The following TAF9 variants were observed in gnomAD, a reference collection of about 807,000 sequenced individuals.
The protein encoded by TAF9 is TATA-box binding protein associated factor 9, also known as transcription initiation factor TFIID subunit 9.
TAF9 carries 10 observed loss-of-function variants against 16.5 expected under a neutral mutation model. The ratio of observed to expected loss-of-function variants is 0.61; its 90% CI spans 0.37 to 1.03. The LOEUF (loss-of-function observed/expected upper bound fraction) is 1.03. Ranked by LOEUF, TAF9 falls within the 50% of genes least tolerant of loss-of-function variation. The probability of loss-of-function intolerance (pLI) is 0.01; values close to 1 mark genes in which losing one functional copy is unlikely to be tolerated. For missense variants in TAF9, 288 were observed against 319.1 expected, an observed-to-expected ratio of 0.90 and a Z score of 0.74; for synonymous variants, 105 against 120.5, an observed-to-expected ratio of 0.87 and a Z score of 0.84.
At chr5:69,368,242 T>G (rs1273536705) in intron 1 of TAF9, among the ~76,000 whole-genome samples, 1 of 152,226 alleles carries the variant, frequency 6.6e-6, no homozygotes, top group African/African-American at 2.4e-5. Context: ...CATTGTTCTT[T>G]ACCTTCCCCT....
Position 69,366,506 on chromosome 5 carries a change from C to T in TAF9, c.-21G>A. The stretch of plus-strand genomic sequence containing the variant: ...CTAACACCAAAGTGTCCCTTACCTT[C>T]TCGAGCTAAATCACCCACATTAATG... On this transcript the variant is annotated 5_prime_UTR_variant, in exon 2 of 3. Transcript: ENST00000217893. 6.2e-7 allele frequency: 1 copy of T among 1,613,106 alleles called. No homozygotes were observed. The highest frequency in any genetic ancestry group is 8.5e-7 in the Non-Finnish European group (1 of 1,179,432).
intron 1 of TAF9, 31 bp from the exon 2 acceptor site, chr5:69,366,626 T>C (rs1762438075): frequency 6.8e-7 from 1 of 1,480,342 alleles, no homozygotes; most frequent in Non-Finnish European, 9.4e-7. Context: ...AAATACTGTT[T>C]GTGAAATACT....
At position 69,369,460 on chromosome 5, in the gene TAF9, G is replaced by C. The variant is rs780634017; in HGVS notation, c.-111+3C>G. The C allele has an allele frequency of 3.1e-6, 5 of 1,610,214 alleles. No individual in the cohort carries two copies. The highest frequency in any genetic ancestry group is 2.7e-5 in the African/African-American group (2 of 74,564). ...CCAGTCCCTCCCGGCCGCGCGCCCTGACCGGTGAGCAGGATGTTCGGAAGC... is the reference window on the plus strand; with the variant it reads ...CCAGTCCCTCCCGGCCGCGCGCCCTCACCGGTGAGCAGGATGTTCGGAAGC... On this transcript the variant is annotated splice_donor_region_variant and intron_variant, in intron 1 of 2. Coordinates refer to ENST00000217893, the MANE Select transcript of TAF9 (RefSeq NM_003187.5).
chr5:69,369,494 C>T lies in TAF9; in HGVS notation c.-142G>A, dbSNP rs750739293. The stretch of plus-strand genomic sequence containing the variant: ...GCAGGATGTTCGGAAGCAACATGGT[C>T]CCCGCCGCGACGGCTTCGGGCGCCT... On this transcript the variant is annotated 5_prime_UTR_variant, in exon 1 of 3. Transcript: ENST00000217893. The T allele has an allele frequency of 4.3e-6, 7 of 1,611,462 alleles. No individual in the cohort carries two copies. Among genetic ancestry groups the T allele is most frequent in the Non-Finnish European group, 5.9e-6 (7 of 1,179,356 alleles).
upstream of TAF9, chr5:69,369,812 G>C: frequency 8.6e-7 from 1 of 1,157,336 alleles, no homozygotes; most frequent in Non-Finnish European, 1.2e-6. Context: ...AGGTCCCCGG[G>C]AGGCCGTACC....
intron 2 of TAF9, among the ~76,000 whole-genome samples, chr5:69,366,085 C>T (rs980850446): frequency 6.6e-5 from 10 of 152,186 alleles, no homozygotes; most frequent in African/African-American, 2.4e-4. Context: ...TCACACTAAT[C>T]TAAGATACCA....
upstream of TAF9, chr5:69,369,777 C>T: frequency 6.9e-7 from 1 of 1,443,596 alleles, no homozygotes; most frequent in South Asian, 1.2e-5. Context: ...GGTCCCCGCC[C>T]TTCGCTTGCG....
chr5:69,369,681 T>C, upstream of TAF9: 1 of 1,554,822 alleles, frequency 6.4e-7, no homozygotes, highest in Non-Finnish European at 8.7e-7. Context: ...CACATTTCCG[T>C]CGCAAAGTTG....
At chr5:69,367,381 G>C (rs1217218495) in intron 1 of TAF9, among the ~76,000 whole-genome samples, 3 of 151,462 alleles carry the variant, frequency 2.0e-5, no homozygotes, top group Admixed American at 6.6e-5. Context: ...GTGGTGGCGC[G>C]TGCCTGTAAT....
chr5:69,369,023 T>C (rs938911086), intron 1 of TAF9: 3 of 188,366 alleles, frequency 1.6e-5, no homozygotes, highest in Admixed American at 1.2e-4. Flanking sequence ...AAAAATAAAA[T>C]ACGGCCCACG....
Position 69,365,664 on chromosome 5 carries a change from T to A in TAF9, c.74A>T (p.Asp25Val). 1.2e-6 allele frequency: 2 copies of A among 1,610,010 alleles called. No individual in the cohort carries two copies. Among genetic ancestry groups the A allele is most frequent in the Non-Finnish European group, 8.5e-7 (1 of 1,177,654 alleles). The change falls in exon 3 of 3, where the codon GAT becomes GTT. Residue 25 changes from aspartate (D) to valine (V), a missense_variant. Asp to Val is a radical substitution (Grantham distance 152). Transcript: ENST00000217893. ...DAQMMAQILK[D>V]MGITEYEPRV... ...TGGCTCATATTCTGTAATCCCCATA[T>A]CCTTCAGGATTTGTGCCATCATCTG...
At chr5:69,366,478 A>T (rs748811045) in intron 2 of TAF9, 25 bp downstream of exon 2, 1 of 1,596,398 alleles carries the variant, frequency 6.3e-7, no homozygotes, top group South Asian at 1.1e-5. Context: ...AAACAAAACA[A>T]ATCTAACACC....
At chr5:69,365,961 C>T (rs540050812) in intron 2 of TAF9, among the ~76,000 whole-genome samples, 6 of 152,018 alleles carry the variant, frequency 3.9e-5, no homozygotes, top group African/African-American at 1.4e-4. Context: ...AAATCATTGT[C>T]GACTATAAAA....
rs879508959 is a variant in TAF9, at chr5:69,364,758, CTTTA to C, written c.*181_*184del. The C allele has an allele frequency of 8.8e-6, 6 of 681,612 alleles. No individual in the cohort carries two copies. Among genetic ancestry groups the C allele is most frequent in the Non-Finnish European group, 1.5e-5 (6 of 399,080 alleles). 42.2% of individuals were successfully genotyped at this position (681,612 alleles called of 1,614,324 possible). On this transcript the variant is annotated 3_prime_UTR_variant, in exon 3 of 3. Coordinates refer to ENST00000217893, the MANE Select transcript of TAF9 (RefSeq NM_003187.5). The stretch of plus-strand genomic sequence containing the variant: ...GCACCAACAATCGAATGAATGACAA[CTTTA>C]TTTTTCTTACACTTTTAAGGCTGAT...
intron 1 of TAF9, among the ~76,000 whole-genome samples, chr5:69,368,473 C>T (rs1414889112): frequency 1.3e-5 from 2 of 152,184 alleles, no homozygotes; most frequent in African/African-American, 4.8e-5. Flanking sequence ...AAAGTTTTGA[C>T]AATGACTTAA....
chr5:69,365,120 G>A lies in TAF9; in HGVS notation c.618C>T (p.Thr206=), dbSNP rs1762363106. ...SPAVKASIPA[T]SAVQNVLINP... is the part of the protein sequence containing the mutation. Reference sequence around the variant, plus strand: ...TAATCAGAACATTCTGAACTGCTGAGGTTGCAGGAATTGAAGCTTTTACAG... The same window carrying A: ...TAATCAGAACATTCTGAACTGCTGAAGTTGCAGGAATTGAAGCTTTTACAG... Residue 206 remains threonine (T), a synonymous_variant, in exon 3 of 3, where the codon ACC becomes ACT. Transcript: ENST00000217893. The A allele has an allele frequency of 6.2e-7, 1 of 1,614,214 alleles. No homozygotes were observed. Among genetic ancestry groups the A allele is most frequent in the Non-Finnish European group, 8.5e-7 (1 of 1,180,048 alleles).
At chr5:69,369,322 G>A (rs901160778) in intron 1 of TAF9, 141 bp downstream of exon 1, 11 of 716,568 alleles carry the variant, frequency 1.5e-5, no homozygotes, top group Non-Finnish European at 2.1e-5. Context: ...GTCGGCTCCC[G>A]GGGCGCTGAC....
chr5:69,369,276 G>T, intron 1 of TAF9, 187 bp downstream of exon 1: 1 of 106,092 alleles, frequency 9.4e-6, no homozygotes, highest in Non-Finnish European at 1.6e-5. Flanking sequence ...TTAACGTTCC[G>T]CGTCCCCTCC....
rs376649410 is a variant in TAF9, at chr5:69,369,500, C to A, written c.-148G>T. The A allele has an allele frequency of 1.7e-4, 271 of 1,611,534 alleles. No homozygotes were observed. The highest frequency in any genetic ancestry group is 2.0e-4 in the Non-Finnish European group (234 of 1,179,360). On this transcript the variant is annotated 5_prime_UTR_variant, in exon 1 of 3. Transcript: ENST00000217893. Reference sequence around the variant, plus strand: ...TGTTCGGAAGCAACATGGTCCCCGCCGCGACGGCTTCGGGCGCCTCGCTCA... The same window carrying A: ...TGTTCGGAAGCAACATGGTCCCCGCAGCGACGGCTTCGGGCGCCTCGCTCA...
Sources: gnomAD v4.1 joint callset for allele counts (sites outside exome capture counted in the v4.1 genomes callset) on GRCh38, gnomAD v4.1.1 for gene constraint, MANE v1.5 for transcripts, NCBI Gene and HGNC (gene_info 2026-07-23, HGNC 2026-07-21) for gene names.